CFAP77: variants seen among roughly 807,000 people sequenced by gnomAD.
CFAP77 encodes the protein cilia- and flagella-associated protein 77.
CFAP77 carries 25 observed loss-of-function variants against 31.1 expected under a neutral mutation model. The observed-to-expected ratio is 0.80, with a 90% CI of 0.59 to 1.12. The LOEUF (loss-of-function observed/expected upper bound fraction) is 1.12, where lower values mean the gene tolerates loss of function less well. Ranked by LOEUF, CFAP77 falls within the 50% of genes most tolerant of loss-of-function variation. CFAP77 has a pLI of 0.00. For missense variants in CFAP77, 377 were observed against 397.3 expected, an observed-to-expected ratio of 0.95 and a Z score of 0.44; for synonymous variants, 151 against 159.9, an observed-to-expected ratio of 0.94 and a Z score of 0.42.
chr9:132,533,268 G>A (rs1033821849), intron 3 of CFAP77, among the ~76,000 whole-genome samples: 2 of 152,192 alleles, frequency 1.3e-5, no homozygotes, highest in African/African-American at 4.8e-5. Context: ...TCTGGATACC[G>A]CTCATGGGAA....
At chr9:132,532,372 C>G (rs976129826) in intron 3 of CFAP77, among the ~76,000 whole-genome samples, 1 of 152,200 alleles carries the variant, frequency 6.6e-6, no homozygotes, top group African/African-American at 2.4e-5. Flanking sequence ...CGGCAGAGAG[C>G]GGAGCCAGCC....
At chr9:132,471,877 G>GTAT (rs964212370) in intron 1 of CFAP77, among the ~76,000 whole-genome samples, 2 of 151,858 alleles carry the variant, frequency 1.3e-5, no homozygotes, top group Non-Finnish European at 2.9e-5. Flanking sequence ...GTTAATTTTT[G>GTAT]TATTATTATT....
At chr9:132,437,347 C>T (rs540339684) in intron 1 of CFAP77, among the ~76,000 whole-genome samples, 1 of 152,154 alleles carries the variant, frequency 6.6e-6, no homozygotes, top group South Asian at 2.1e-4. Context: ...AGGTGCACTC[C>T]AGGAACAGAA....
chr9:132,411,972 T>C (rs1850013772), intron 1 of CFAP77, among the ~76,000 whole-genome samples: 1 of 152,248 alleles, frequency 6.6e-6, no homozygotes, highest in Non-Finnish European at 1.5e-5. Context: ...ATATGTATAA[T>C]ATACATGTAC....
At chr9:132,454,246 A>C (rs1410213666) in intron 1 of CFAP77, among the ~76,000 whole-genome samples, 1 of 152,028 alleles carries the variant, frequency 6.6e-6, no homozygotes, top group East Asian at 1.9e-4. Context: ...TCAATATTTC[A>C]ATTATAAACC....
chr9:132,482,482 C>T lies in CFAP77; in HGVS notation c.196-16213C>T, dbSNP rs563735561. 5.8e-5 allele frequency: 74 copies of T among 1,285,848 alleles called. No homozygotes were observed. The African/African-American group carries it at 8.6e-4, about 15-fold the overall frequency. 79.7% of individuals were successfully genotyped at this position (1,285,848 alleles called of 1,614,324 possible). ...AAAAGGGGAAAAGAGGGGCCCCTCC[C>T]GGCTTCCGCACACCTACTGCGTGCT... On this transcript the variant is annotated intron_variant, in intron 1 of 5. Coordinates refer to ENST00000393216, the MANE Select transcript of CFAP77 (RefSeq NM_001282957.2).
chr9:132,543,917 A>G (rs1852689161), intron 5 of CFAP77, among the ~76,000 whole-genome samples: 1 of 152,158 alleles, frequency 6.6e-6, no homozygotes, highest in Non-Finnish European at 1.5e-5. Context: ...AGATTTGGGA[A>G]CAGTGGCTTC....
At position 132,572,708 on chromosome 9, in the gene CFAP77, C is replaced by A; in HGVS notation, c.*198C>A. On this transcript the variant is annotated 3_prime_UTR_variant, in exon 6 of 6. Transcript: ENST00000393216. ...TTAGCCAACATTAGTCTCCACTTAG[C>A]CCCAGTGACCCTCTACCTGGAGCCT... is the stretch of plus-strand genomic sequence containing the variant. The A allele has an allele frequency of 1.7e-6, 1 of 577,794 alleles. No individual in the cohort carries two copies. The highest frequency in any genetic ancestry group is 3.0e-6 in the Non-Finnish European group (1 of 334,196). The allele number at this position is 577,794 out of a possible 1,614,324, so 35.8% of individuals were successfully genotyped here.
At chr9:132,448,025 T>A (rs1038524901) in intron 1 of CFAP77, among the ~76,000 whole-genome samples, 1 of 152,184 alleles carries the variant, frequency 6.6e-6, no homozygotes, top group Non-Finnish European at 1.5e-5. Flanking sequence ...GGAGTGTGGC[T>A]TAATTAGATG....
In CFAP77 at chr9:132,498,879, G is replaced by T. The variant is rs541772172; in HGVS notation, c.295+85G>T. On this transcript the variant is annotated intron_variant, in intron 2 of 5. Transcript: ENST00000393216. The surrounding 1 kb of genome is among the most constrained non-coding windows in gnomAD (Gnocchi z 4.2). ...CACAGACCCCTTGACCTAGCTCGCT[G>T]CTTGGCAGCTGGTTGGGTGCTGGAG... 5 of 966,526 alleles carry T rather than the reference G, an allele frequency of 5.2e-6. No homozygotes were observed. In the African/African-American group the frequency reaches 8.1e-5, roughly 16 times the overall value. 59.9% of individuals were successfully genotyped at this position (966,526 alleles called of 1,614,324 possible). A position where few individuals can be genotyped will look rare whatever the true frequency, so the allele number is the denominator to read the frequency against.
intron 3 of CFAP77, among the ~76,000 whole-genome samples, chr9:132,505,063 AATTACAGACGTGTTAAAAAAAT>A (rs1328806048): frequency 6.6e-6 from 1 of 152,260 alleles, no homozygotes; most frequent in African/African-American, 2.4e-5. Flanking sequence ...ATTTACTCAC[AATTACAGACGTGTTAAAAAAAT>A]AAAGTCCCAC....
At chr9:132,432,533 CTTTT>C (rs35812976) in intron 1 of CFAP77, among the ~76,000 whole-genome samples, 2 of 138,898 alleles carry the variant, frequency 1.4e-5, no homozygotes, top group Non-Finnish European at 3.1e-5. Flanking sequence ...TCCTTGGTTC[CTTTT>C]TTTTTTTTTT....
At chr9:132,551,550 C>T (rs1385276027) in intron 5 of CFAP77, among the ~76,000 whole-genome samples, 1 of 152,242 alleles carries the variant, frequency 6.6e-6, no homozygotes, top group Non-Finnish European at 1.5e-5. Flanking sequence ...CCCACCTTGG[C>T]CTCCCAAAGT....
chr9:132,510,910 C>T (rs1332267949), intron 3 of CFAP77, among the ~76,000 whole-genome samples: 1 of 152,086 alleles, frequency 6.6e-6, no homozygotes, highest in Admixed American at 6.5e-5. Context: ...GCAACTGACT[C>T]TCTTATCCCC....
chr9:132,542,291 T>A (rs1319809646), intron 4 of CFAP77, among the ~76,000 whole-genome samples: 1 of 152,206 alleles, frequency 6.6e-6, no homozygotes, highest in Admixed American at 6.5e-5. Flanking sequence ...TCTTAGGACA[T>A]GACACAGTCG....
chr9:132,559,301 C>T (rs1331335310), intron 5 of CFAP77, among the ~76,000 whole-genome samples: 15 of 135,258 alleles, frequency 1.1e-4, no homozygotes, highest in East Asian at 4.6e-4. Flanking sequence ...GCCGAGATCG[C>T]GCCACTGCAC....
chr9:132,537,173 T>A (rs1026797493), intron 3 of CFAP77, among the ~76,000 whole-genome samples: 10 of 152,022 alleles, frequency 6.6e-5, no homozygotes, highest in Admixed American at 2.6e-4. Context: ...GGCAGGAAGA[T>A]CCTTGCTAAA....
intron 3 of CFAP77, among the ~76,000 whole-genome samples, chr9:132,524,399 G>GCAA (rs1428430654): frequency 1.3e-5 from 2 of 151,382 alleles, no homozygotes; most frequent in African/African-American, 2.4e-5. Flanking sequence ...TCAGGAGTTT[G>GCAA]GATCAGCCTG....
intron 3 of CFAP77, among the ~76,000 whole-genome samples, chr9:132,524,793 C>T (rs560871754): frequency 6.7e-5 from 10 of 149,578 alleles, no homozygotes; most frequent in Non-Finnish European, 1.3e-4. Flanking sequence ...GGACTACAGG[C>T]GCCCGCCACC....
Sources: gnomAD v4.1 joint callset for allele counts (sites outside exome capture counted in the v4.1 genomes callset) on GRCh38, gnomAD v4.1.1 for gene constraint, Gnocchi (gnomAD v3.1) non-coding constraint, MANE v1.5 for transcripts, NCBI Gene and HGNC (gene_info 2026-07-23, HGNC 2026-07-21) for gene names.